The following CSRNP3 variants were observed in gnomAD, a reference collection of about 807,000 sequenced individuals.
CSRNP3 encodes the protein cysteine/serine-rich nuclear protein 3.
In CSRNP3, 12 loss-of-function variants were observed where a neutral mutation model predicts 48.0. That is an observed-to-expected ratio of 0.25 (90% CI 0.16 to 0.41). The LOEUF is 0.41. Among genes scored for constraint, CSRNP3 ranks in the 10% least tolerant of loss-of-function variants. CSRNP3 has a pLI of 1.00. For synonymous variants in CSRNP3, 263 were observed against 269.7 expected, an observed-to-expected ratio of 0.98 and a Z score of 0.24; for missense variants, 580 against 724.4, an observed-to-expected ratio of 0.80 and a Z score of 2.29.
At chr2:165,620,434 A>G (rs1302970415) in intron 4 of CSRNP3, among the ~76,000 whole-genome samples, 1 of 152,176 alleles carries the variant, frequency 6.6e-6, no homozygotes, top group Non-Finnish European at 1.5e-5. Flanking sequence ...GATGTGAGGA[A>G]TAATTTTGAT....
chr2:165,549,654 T>C (rs1685073206), intron 3 of CSRNP3, among the ~76,000 whole-genome samples: 1 of 152,088 alleles, frequency 6.6e-6, no homozygotes, highest in Admixed American at 6.6e-5. Flanking sequence ...ACACTCAAAC[T>C]GGGAAGAATT....
At chr2:165,613,220 T>C (rs1686170094) in intron 4 of CSRNP3, among the ~76,000 whole-genome samples, 1 of 152,190 alleles carries the variant, frequency 6.6e-6, no homozygotes, top group Non-Finnish European at 1.5e-5. Flanking sequence ...TTATATGTCT[T>C]CTTTAGAAAA....
intron 3 of CSRNP3, among the ~76,000 whole-genome samples, chr2:165,593,684 G>T (rs1400318189): frequency 6.6e-6 from 1 of 152,140 alleles, no homozygotes; most frequent in Non-Finnish European, 1.5e-5. Flanking sequence ...AGTGTTAAGG[G>T]TCTTGCTTCC....
intron 2 of CSRNP3, among the ~76,000 whole-genome samples, chr2:165,503,888 A>T (rs1298140114): frequency 2.0e-5 from 3 of 151,922 alleles, no homozygotes; most frequent in African/African-American, 4.8e-5. Context: ...TAGTCATAGG[A>T]TATACTTTGT....
At chr2:165,504,463 T>C (rs1684398085) in intron 2 of CSRNP3, among the ~76,000 whole-genome samples, 1 of 152,012 alleles carries the variant, frequency 6.6e-6, no homozygotes, top group Non-Finnish European at 1.5e-5. Flanking sequence ...TAAAACCGGC[T>C]CAAACTCCAG....
chr2:165,629,757 A>G (rs1220106219), intron 4 of CSRNP3, among the ~76,000 whole-genome samples: 3 of 152,180 alleles, frequency 2.0e-5, no homozygotes, highest in Non-Finnish European at 4.4e-5. Flanking sequence ...CCATCAGTAA[A>G]CTGTGAAAAT....
chr2:165,676,557 G>A lies in CSRNP3; in HGVS notation c.654G>A (p.Val218=). The change falls in exon 6 of 7, where the codon GTG becomes GTA. Residue 218 remains valine (V), a synonymous_variant. Transcript: ENST00000651982. ...AGGACTGTGGCTGTGACTGCCGAGT[G>A]TTCTGTGATCCAGACACGTGCACCT... ...SREDCGCDCR[V]FCDPDTCTCS... 1.2e-6 allele frequency: 2 copies of A among 1,614,158 alleles called. No individual in the cohort carries two copies. Among genetic ancestry groups the A allele is most frequent in the Non-Finnish European group, 1.7e-6 (2 of 1,179,994 alleles).
chr2:165,614,707 T>G (rs925233568), intron 4 of CSRNP3, among the ~76,000 whole-genome samples: 2 of 152,214 alleles, frequency 1.3e-5, no homozygotes, highest in African/African-American at 4.8e-5. Flanking sequence ...GGCCTTTATT[T>G]TGTTGATGAG....
chr2:165,586,399 G>A (rs995694566), intron 3 of CSRNP3, among the ~76,000 whole-genome samples: 4 of 152,130 alleles, frequency 2.6e-5, no homozygotes, highest in Non-Finnish European at 5.9e-5. Flanking sequence ...CCAAGAGAAC[G>A]AATGAAGGTT....
intron 2 of CSRNP3, among the ~76,000 whole-genome samples, chr2:165,515,577 G>T (rs1684567871): frequency 6.6e-6 from 1 of 151,340 alleles, no homozygotes; most frequent in South Asian, 2.1e-4. Context: ...TAGGCAGCTT[G>T]AACGAAATAG....
intron 4 of CSRNP3, among the ~76,000 whole-genome samples, chr2:165,615,520 G>A (rs1686224019): frequency 6.7e-6 from 1 of 149,122 alleles, no homozygotes; most frequent in Non-Finnish European, 1.5e-5. Context: ...TCTAGCCTCG[G>A]TGACAGAGCA....
intron 4 of CSRNP3, among the ~76,000 whole-genome samples, chr2:165,640,488 C>G (rs1686706296): frequency 6.6e-6 from 1 of 152,160 alleles, no homozygotes; most frequent in Non-Finnish European, 1.5e-5. Context: ...GTATGTTTCA[C>G]TCCAAAGCCT....
intron 1 of CSRNP3, among the ~76,000 whole-genome samples, chr2:165,474,737 T>G (rs1683938982): frequency 6.6e-6 from 1 of 152,178 alleles, no homozygotes; most frequent in African/African-American, 2.4e-5. Context: ...TTAGAAAGGC[T>G]TTGCATGGAG....
At chr2:165,492,022 A>C (rs1684218863) in intron 1 of CSRNP3, among the ~76,000 whole-genome samples, 1 of 150,942 alleles carries the variant, frequency 6.6e-6, no homozygotes, top group Admixed American at 6.6e-5. Flanking sequence ...AAATTCTTTT[A>C]GGAAATACCT....
intron 3 of CSRNP3, among the ~76,000 whole-genome samples, chr2:165,521,139 A>G (rs377152826): frequency 6.6e-6 from 1 of 150,604 alleles, no homozygotes; most frequent in African/African-American, 2.4e-5. Flanking sequence ...TTTAACCACA[A>G]AGAGACAGCT....
intron 3 of CSRNP3, among the ~76,000 whole-genome samples, chr2:165,542,297 A>G (rs1433667465): frequency 6.6e-6 from 1 of 152,170 alleles, no homozygotes; most frequent in African/African-American, 2.4e-5. Flanking sequence ...TCGAAAGAAA[A>G]ATGCCCATAC....
intron 4 of CSRNP3, among the ~76,000 whole-genome samples, chr2:165,629,635 G>T (rs1383752011): frequency 6.6e-6 from 1 of 152,162 alleles, no homozygotes; most frequent in African/African-American, 2.4e-5. Flanking sequence ...CAGAGGCAGA[G>T]TGAAATGTTT....
intron 4 of CSRNP3, among the ~76,000 whole-genome samples, chr2:165,654,136 GAT>G (rs2105344290): frequency 6.6e-6 from 1 of 152,018 alleles, no homozygotes; most frequent in South Asian, 2.1e-4. Context: ...GAGCAAAAAA[GAT>G]AGAAAGTTAT....
rs543286419 is a variant in CSRNP3 at position 165,591,334 on chromosome 2, G to C, written c.-23-3709G>C. Among the ~76,000 whole-genome samples, 4 of 152,322 alleles carry C rather than the reference G, an allele frequency of 2.6e-5. No homozygotes were observed. In the East Asian group the frequency reaches 7.7e-4, roughly 29 times the overall value. On this transcript the variant is annotated intron_variant, in intron 3 of 6. Coordinates refer to ENST00000651982, the MANE Select transcript of CSRNP3 (RefSeq NM_001172173.2). ...TGAGTGGCAAAGCATTCAAAAGGAA[G>C]TAGAGCATAAAGGTTGGAAAATTTG... is the stretch of plus-strand genomic sequence containing the variant.
Sources: gnomAD v4.1 joint callset for allele counts (sites outside exome capture counted in the v4.1 genomes callset) on GRCh38, gnomAD v4.1.1 for gene constraint, MANE v1.5 for transcripts, NCBI Gene and HGNC (gene_info 2026-07-23, HGNC 2026-07-21) for gene names.